GPHN: variants seen among roughly 807,000 people sequenced by gnomAD.
GPHN encodes the protein gephyrin.
GPHN carries 17 observed loss-of-function variants against 95.5 expected under a neutral mutation model. The observed-to-expected ratio is 0.18, with a 90% CI of 0.12 to 0.27. The LOEUF (loss-of-function observed/expected upper bound fraction) is 0.27, where lower values mean the gene tolerates loss of function less well. GPHN is among the 10% of genes least tolerant of loss of function. The pLI, the probability that GPHN is intolerant of heterozygous loss-of-function variation, is 1.00. For synonymous variants in GPHN, 320 were observed against 322.5 expected, an observed-to-expected ratio of 0.99 and a Z score of 0.08; for missense variants, 660 against 978.1, an observed-to-expected ratio of 0.67 and a Z score of 4.34.
At chr14:67,027,777 G>A (rs948159860) in intron 10 of GPHN, among the ~76,000 whole-genome samples, 4 of 151,968 alleles carry the variant, frequency 2.6e-5, no homozygotes, top group Admixed American at 2.6e-4. Context: ...CATATTTATG[G>A]AGTACAGGTG....
chr14:67,438,686 C>A, the GPHN span, among the ~76,000 whole-genome samples: 1 of 152,072 alleles, frequency 6.6e-6, no homozygotes, highest in East Asian at 1.9e-4. Flanking sequence ...CATGGCGAAA[C>A]CCCATCTCTA....
chr14:67,494,062 C>T, the GPHN span, among the ~76,000 whole-genome samples: 3 of 152,044 alleles, frequency 2.0e-5, no homozygotes, highest in Non-Finnish European at 4.4e-5. Flanking sequence ...CCACACCAGG[C>T]ACCTCCACCA....
chr14:67,639,724 C>A, the GPHN span, among the ~76,000 whole-genome samples: 1 of 151,996 alleles, frequency 6.6e-6, no homozygotes, highest in East Asian at 1.9e-4. Flanking sequence ...AGTTCGAGAC[C>A]AGCCTAGCCA....
At chr14:67,191,772 C>T in the GPHN span, among the ~76,000 whole-genome samples, 3 of 152,206 alleles carry the variant, frequency 2.0e-5, no homozygotes, top group African/African-American at 7.2e-5. Flanking sequence ...ACATACAGCA[C>T]ATTGCTTGGT....
At chr14:67,204,545 C>T in the GPHN span, 2 of 1,612,728 alleles carry the variant, frequency 1.2e-6, no homozygotes, top group Non-Finnish European at 1.7e-6. Flanking sequence ...AGGTTTCTCC[C>T]TCTGCAGTTT....
the GPHN span, among the ~76,000 whole-genome samples, chr14:67,576,682 T>TGACC: frequency 7.2e-5 from 11 of 152,158 alleles, no homozygotes; most frequent in African/African-American, 2.4e-5. The surrounding 1 kb of genome is among the most constrained non-coding windows in gnomAD (Gnocchi z 4.0). Context: ...GATACTAAGG[T>TGACC]GACCACTCTG....
At chr14:66,607,711 C>T (rs2062603588) in intron 1 of GPHN, among the ~76,000 whole-genome samples, 1 of 151,802 alleles carries the variant, frequency 6.6e-6, no homozygotes, top group Non-Finnish European at 1.5e-5. Flanking sequence ...TTTTCACTTT[C>T]TTCCTGGTTC....
chr14:66,798,398 CT>C (rs1288277588), intron 3 of GPHN, among the ~76,000 whole-genome samples: 1 of 151,766 alleles, frequency 6.6e-6, no homozygotes, highest in Non-Finnish European at 1.5e-5. Flanking sequence ...GGTATTAATT[CT>C]TCTTAAAATG....
At chr14:67,056,509 C>T (rs1337962290) in intron 10 of GPHN, among the ~76,000 whole-genome samples, 2 of 152,070 alleles carry the variant, frequency 1.3e-5, no homozygotes, top group Non-Finnish European at 2.9e-5. Context: ...TAAAAGTTCT[C>T]TAAGTCCCCA....
At chr14:67,519,241 C>A in the GPHN span, among the ~76,000 whole-genome samples, 1 of 152,258 alleles carries the variant, frequency 6.6e-6, no homozygotes, top group Middle Eastern at 3.4e-3. Context: ...TAGAAACCAA[C>A]TTTAGCTATC....
the GPHN span, among the ~76,000 whole-genome samples, chr14:67,717,245 T>TGA: frequency 6.6e-6 from 1 of 152,220 alleles, no homozygotes; most frequent in Non-Finnish European, 1.5e-5. Context: ...AAAGTCCTGT[T>TGA]GAGAGATAGA....
the GPHN span, among the ~76,000 whole-genome samples, chr14:67,710,888 T>G: frequency 6.6e-6 from 1 of 152,188 alleles, no homozygotes; most frequent in Admixed American, 6.5e-5. Context: ...TTATTTTATT[T>G]TCATTGTTTA....
At chr14:67,225,972 CGCGTGCGCAT>C in the GPHN span, among the ~76,000 whole-genome samples, 2,392 of 107,048 alleles carry the variant, frequency 0.022, 18 homozygotes, top group Non-Finnish European at 0.033. Flanking sequence ...TGCGCGCGCG[CGCGTGCGCAT>C]GCGCGTGCAT....
intron 18 of GPHN, among the ~76,000 whole-genome samples, chr14:67,144,272 T>C (rs1401508971): frequency 5.0e-5 from 6 of 120,440 alleles, no homozygotes; most frequent in Non-Finnish European, 8.1e-5. Flanking sequence ...TATATATATA[T>C]ATATATATAT....
chr14:67,393,336 G>A, the GPHN span: 1 of 837,114 alleles, frequency 1.2e-6, no homozygotes, highest in Non-Finnish European at 2.1e-6. Context: ...TAAAGCAAGT[G>A]GCAAATGGTG....
chr14:66,778,488 ATT>A (rs1180222674), intron 3 of GPHN, among the ~76,000 whole-genome samples: 1 of 152,098 alleles, frequency 6.6e-6, no homozygotes, highest in African/African-American at 2.4e-5. Context: ...TGGAATATTA[ATT>A]TTCTAACATA....
the GPHN span, chr14:67,189,386 G>C: frequency 3.3e-5 from 5 of 152,222 alleles, no homozygotes; most frequent in Non-Finnish European, 7.3e-5. Flanking sequence ...TGATGCAGCA[G>C]CAACAGAACA....
chr14:66,917,938 C>A (rs1005532571), intron 6 of GPHN, among the ~76,000 whole-genome samples: 1 of 152,026 alleles, frequency 6.6e-6, no homozygotes, highest in Admixed American at 6.6e-5. Context: ...TTTTTGACAC[C>A]AACTGTAAGG....
the GPHN span, among the ~76,000 whole-genome samples, chr14:67,520,530 C>T: frequency 1.3e-4 from 20 of 152,366 alleles, no homozygotes; most frequent in South Asian, 3.7e-3. Flanking sequence ...TTCTTTTCAG[C>T]ATTGAATAAT....
Sources: gnomAD v4.1 joint callset for allele counts (sites outside exome capture counted in the v4.1 genomes callset) on GRCh38, gnomAD v4.1.1 for gene constraint, Gnocchi (gnomAD v3.1) non-coding constraint, MANE v1.5 for transcripts, NCBI Gene and HGNC (gene_info 2026-07-23, HGNC 2026-07-21) for gene names.